Variants in PPP3CA observed in about 807,000 individuals in gnomAD.
The protein encoded by PPP3CA is protein phosphatase 3 catalytic subunit alpha.
A neutral mutation model predicts 66.5 loss-of-function variants in PPP3CA; 14 were observed. The observed-to-expected ratio is 0.21, with a 90% confidence interval of 0.14 to 0.33. The LOEUF is 0.33. Among genes scored for constraint, PPP3CA ranks in the 10% least tolerant of loss-of-function variants. The pLI is 1.00. For synonymous variants in PPP3CA, 232 were observed against 226.2 expected, an observed-to-expected ratio of 1.03 and a Z score of -0.23; for missense variants, 317 against 639.5, an observed-to-expected ratio of 0.50 and a Z score of 5.44.
At chr4:101,048,811 A>C (rs1041421884) in intron 10 of PPP3CA, among the ~76,000 whole-genome samples, 3 of 152,058 alleles carry the variant, frequency 2.0e-5, no homozygotes, top group Non-Finnish European at 4.4e-5. Context: ...CTCAGTATAT[A>C]TTAAGAGCCT....
chr4:101,037,583 G>GT lies in PPP3CA; in HGVS notation c.1241+2898dup, dbSNP rs142106400. On this transcript the variant is annotated intron_variant, in intron 11 of 13. Transcript: ENST00000394854. ...GATTACTTCAAAAGCTTCCTAAATG[G>GT]TTTTTTTTTTTAATTTACATTTTAT... is the stretch of plus-strand genomic sequence containing the variant. Among the ~76,000 whole-genome samples, 1,285 of 146,228 alleles carry GT rather than the reference G, an allele frequency of 8.8e-3. 10 individuals carry two copies. The highest frequency in any genetic ancestry group is 0.02 in the African/African-American group (784 of 39,940).
chr4:101,346,770 G>A lies in PPP3CA; in HGVS notation c.27C>T (p.Pro9=). 1.9e-6 allele frequency: 3 copies of A among 1,611,744 alleles called. No homozygotes were observed. The highest frequency in any genetic ancestry group is 2.2e-5 in the South Asian group (2 of 90,674). Residue 9 remains proline (P), a synonymous_variant, in exon 1 of 14, where the codon CCC becomes CCT. Transcript: ENST00000394854. ...CCACCCTGTCGGTCGTCGACAACTT[G>A]GGATCAATTGCCTTGGGCTCGGACA... The part of the protein sequence containing the change: MSEPKAID[P]KLSTTDRVVK...
At chr4:101,118,896 A>G (rs1721932169) in intron 2 of PPP3CA, among the ~76,000 whole-genome samples, 1 of 151,732 alleles carries the variant, frequency 6.6e-6, no homozygotes, top group African/African-American at 2.4e-5. Context: ...AACTGGAACA[A>G]GAGAGGTATT....
intron 1 of PPP3CA, among the ~76,000 whole-genome samples, chr4:101,334,561 T>A (rs1156589417): frequency 6.6e-6 from 1 of 152,096 alleles, no homozygotes; most frequent in Non-Finnish European, 1.5e-5. Context: ...AGGAAAAAAA[T>A]TTAAATTAGT....
At chr4:101,170,981 TTCAA>T in intron 2 of PPP3CA, 1 of 294,680 alleles carries the variant, frequency 3.4e-6, no homozygotes, top group Non-Finnish European at 6.7e-6. Context: ...AGTACTAAAA[TTCAA>T]TCCCATTTAA....
intron 2 of PPP3CA, among the ~76,000 whole-genome samples, chr4:101,129,353 C>T (rs1722353758): frequency 6.6e-6 from 1 of 152,192 alleles, no homozygotes; most frequent in Admixed American, 6.5e-5. Context: ...TCTGCCAGCT[C>T]TGAAGAGAGC....
intron 1 of PPP3CA, among the ~76,000 whole-genome samples, chr4:101,277,028 A>G (rs1243469670): frequency 4.0e-5 from 6 of 151,552 alleles, no homozygotes; most frequent in African/African-American, 1.2e-4. Context: ...TCAGGTCCTA[A>G]AAGTCCCCTG....
intron 4 of PPP3CA, 86 bp from the exon 5 acceptor site, chr4:101,098,598 T>G: frequency 7.8e-7 from 1 of 1,279,892 alleles, no homozygotes; most frequent in African/African-American, 1.6e-5. Flanking sequence ...GAAGTTTTCT[T>G]GCTAGGACCC....
In PPP3CA at chr4:101,036,391, T is replaced by TCG. The variant is rs201647521; in HGVS notation, c.1242-4029_1242-4028dup. On this transcript the variant is annotated intron_variant, in intron 11 of 13. Coordinates refer to ENST00000394854, the MANE Select transcript of PPP3CA (RefSeq NM_000944.5). ...ACTCTTGTCTCTGTGTTGTTTACTC[T>TCG]CGTCTACATTTCTTTTTCTTTCTTT... Among the ~76,000 whole-genome samples, 1,320 of 150,370 alleles carry TCG rather than the reference T, an allele frequency of 8.8e-3. 23 individuals carry two copies. Among genetic ancestry groups the TCG allele is most frequent in the African/African-American group, 0.031 (1,256 of 40,730 alleles).
intron 1 of PPP3CA, among the ~76,000 whole-genome samples, chr4:101,291,894 C>T (rs1266007680): frequency 6.6e-6 from 1 of 152,040 alleles, no homozygotes; most frequent in Non-Finnish European, 1.5e-5. Flanking sequence ...TTTAGGAGGC[C>T]GAGGTGGGCA....
intron 11 of PPP3CA, among the ~76,000 whole-genome samples, chr4:101,038,286 C>T (rs985133620): frequency 6.6e-6 from 1 of 152,196 alleles, no homozygotes; most frequent in Non-Finnish European, 1.5e-5. Context: ...TTTATGAACA[C>T]TCCAGTCAGG....
At chr4:101,280,646 C>T (rs1006232295) in intron 1 of PPP3CA, among the ~76,000 whole-genome samples, 7 of 151,894 alleles carry the variant, frequency 4.6e-5, no homozygotes, top group Non-Finnish European at 8.8e-5. Context: ...ATAGTGAAAC[C>T]CCATCTCTAC....
chr4:101,304,314 A>AT (rs752852207), intron 1 of PPP3CA, among the ~76,000 whole-genome samples: 3 of 152,192 alleles, frequency 2.0e-5, no homozygotes, highest in Non-Finnish European at 4.4e-5. Context: ...TATTTACTGA[A>AT]TAATCCATGC....
rs1356810423 is a variant in PPP3CA, at chr4:101,261,249, A to G, written c.59-65133T>C. Among the ~76,000 whole-genome samples the G allele has an allele frequency of 2.0e-5, 3 of 152,138 alleles. No individual in the cohort carries two copies. In the South Asian group the frequency reaches 6.2e-4, roughly 31 times the overall value. On this transcript the variant is annotated intron_variant, in intron 1 of 13. Coordinates refer to ENST00000394854, the MANE Select transcript of PPP3CA (RefSeq NM_000944.5). ...ATGGTGGAGATGAGACTCTTACAGCATATCAGAGGTAAACTCCTTCAAGAA... is the reference window on the plus strand; with the variant it reads ...ATGGTGGAGATGAGACTCTTACAGCGTATCAGAGGTAAACTCCTTCAAGAA...
At position 101,324,150 on chromosome 4, in the gene PPP3CA, G is replaced by GAGGA. The variant is rs1553941992; in HGVS notation, c.58+22588_58+22589insTCCT. Among the ~76,000 whole-genome samples, 75 of 97,586 alleles carry GAGGA rather than the reference G, an allele frequency of 7.7e-4. 1 individual carries two copies. The highest frequency in any genetic ancestry group is 3.3e-3 in the African/African-American group (71 of 21,430). The allele number at this position is 97,586 out of a possible 152,430, so 64.0% of individuals were successfully genotyped here. ...AGGAAGGGAAGGAAGGGAAGGAAGGGAGGGAGGAAGGAAGGAAGGAAGGAA... is the reference window on the plus strand; with the variant it reads ...AGGAAGGGAAGGAAGGGAAGGAAGGGAGGAAGGGAGGAAGGAAGGAAGGAAGGAA... On this transcript the variant is annotated intron_variant, in intron 1 of 13. Transcript: ENST00000394854.
chr4:101,340,568 T>C (rs1295618669), intron 1 of PPP3CA, among the ~76,000 whole-genome samples: 1 of 152,148 alleles, frequency 6.6e-6, no homozygotes, highest in Non-Finnish European at 1.5e-5. Context: ...GAATACACAA[T>C]TGTTATTTCA....
intron 8 of PPP3CA, among the ~76,000 whole-genome samples, chr4:101,071,233 T>G (rs1309260295): frequency 6.6e-6 from 1 of 152,210 alleles, no homozygotes; most frequent in African/African-American, 2.4e-5. Context: ...AACTTCAAGC[T>G]TGGACTTTGT....
At chr4:101,242,250 T>C (rs998311818) in intron 1 of PPP3CA, among the ~76,000 whole-genome samples, 139 of 152,256 alleles carry the variant, frequency 9.1e-4, no homozygotes, top group African/African-American at 3.2e-3. Context: ...AGACACTGAA[T>C]GGGGATAGAT....
chr4:101,283,830 T>C (rs1727756855), intron 1 of PPP3CA, among the ~76,000 whole-genome samples: 1 of 150,396 alleles, frequency 6.6e-6, no homozygotes, highest in Admixed American at 6.6e-5. Flanking sequence ...AACACACCAC[T>C]ACTGCTTCCA....
Sources: allele counts gnomAD v4.1 joint callset (sites outside exome capture counted in the v4.1 genomes callset), GRCh38; gene constraint gnomAD v4.1.1; transcripts MANE v1.5; gene names NCBI Gene and HGNC (gene_info 2026-07-23, HGNC 2026-07-21).